Variants in SPIDR observed in about 807,000 individuals in gnomAD.
SPIDR encodes DNA repair-scaffolding protein.
SPIDR carries 93 observed loss-of-function variants against 104.6 expected under a neutral mutation model. The ratio of observed to expected loss-of-function variants is 0.89; its 90% CI spans 0.75 to 1.06. SPIDR has a LOEUF of 1.06. Among genes scored for constraint, SPIDR ranks in the 50% least tolerant of loss-of-function variants. SPIDR has a pLI of 0.00. For missense variants in SPIDR, 1,154 were observed against 1,111.2 expected, an observed-to-expected ratio of 1.04 and a Z score of -0.55; for synonymous variants, 431 against 416.9, an observed-to-expected ratio of 1.03 and a Z score of -0.41.
rs567320965 is a variant in SPIDR, at chr8:47,658,896, A to G, written c.1545-14905A>G. On this transcript the variant is annotated intron_variant, in intron 10 of 19. Coordinates refer to ENST00000297423, the MANE Select transcript of SPIDR (RefSeq NM_001080394.4). ...GATTGCAGTGAGCCAAGATAGCGCA[A>G]TTGCATTCCAGCCTGATCAACAAGA... 1.1e-3 allele frequency among the ~76,000 whole-genome samples: 168 copies of G among 149,530 alleles called. 1 individual carries two copies. Among genetic ancestry groups the G allele is most frequent in the South Asian group, 9.0e-3 (41 of 4,566 alleles).
In SPIDR at chr8:47,270,829, T is replaced by C. The variant is rs1437448949; in HGVS notation, c.34-9033T>C. ...TTCTTTTTTTGATCTATTGGCTGTT[T>C]AGGAGTGTGTTTAATTTTTGCATAC... On this transcript the variant is annotated intron_variant, in intron 1 of 19. Coordinates refer to ENST00000297423, the MANE Select transcript of SPIDR (RefSeq NM_001080394.4). 2.6e-5 allele frequency among the ~76,000 whole-genome samples: 4 copies of C among 152,176 alleles called. No homozygotes were observed. The East Asian group carries it at 7.7e-4, about 29-fold the overall frequency.
At position 47,729,401 on chromosome 8, in the gene SPIDR, TGCTGTTGCA is replaced by T; in HGVS notation, c.2552_2560del. 4 of 1,586,646 alleles carry T rather than the reference TGCTGTTGCA, an allele frequency of 2.5e-6. No homozygotes were observed. The South Asian group carries it at 3.5e-5, about 14-fold the overall frequency. On this transcript the variant is annotated splice_acceptor_variant and splice_polypyrimidine_tract_variant and intron_variant, in intron 18 of 19. Coordinates refer to ENST00000297423, the MANE Select transcript of SPIDR (RefSeq NM_001080394.4). LOFTEE classifies it high-confidence loss of function. ...AGGGAGTTTAACCCAGCCCTGCTTC[TGCTGTTGCA>T]GCTGTTGCAGCGCAGCATTTCCTCC...
At position 47,340,555 on chromosome 8, in the gene SPIDR, T is replaced by C. The variant is rs140037099; in HGVS notation, c.525+46525T>C. Among the ~76,000 whole-genome samples the C allele has an allele frequency of 3.1e-3, 468 of 152,260 alleles. 4 individuals are homozygous for C. The highest frequency in any genetic ancestry group is 0.01 in the African/African-American group (434 of 41,542). On this transcript the variant is annotated intron_variant, in intron 5 of 19. Coordinates refer to ENST00000297423, the MANE Select transcript of SPIDR (RefSeq NM_001080394.4). Reference sequence around the variant, plus strand: ...AGGCGAAGGTTGCAGTGAGCCGACATTGCGCCACTGCACTCCAGTCTGGGT... The same window carrying C: ...AGGCGAAGGTTGCAGTGAGCCGACACTGCGCCACTGCACTCCAGTCTGGGT...
chr8:47,640,841 C>T (rs1417518039), intron 10 of SPIDR, among the ~76,000 whole-genome samples: 3 of 41,304 alleles, frequency 7.3e-5, no homozygotes, highest in African/African-American at 2.2e-4. Context: ...CCACACCCAG[C>T]TTTTTTTTTT....
At chr8:47,598,377 G>T (rs2061864697) in intron 9 of SPIDR, among the ~76,000 whole-genome samples, 2 of 152,046 alleles carry the variant, frequency 1.3e-5, no homozygotes, top group South Asian at 4.1e-4. Context: ...ATTGTGTGAG[G>T]GTAAGCATGT....
intron 8 of SPIDR, among the ~76,000 whole-genome samples, chr8:47,474,976 CAA>C (rs1384083612): frequency 3.3e-5 from 5 of 152,188 alleles, no homozygotes; most frequent in African/African-American, 1.2e-4. Flanking sequence ...TTCAAAAACA[CAA>C]AGTTATGGAA....
chr8:47,338,424 A>G (rs1252120839), intron 5 of SPIDR, among the ~76,000 whole-genome samples: 1 of 152,230 alleles, frequency 6.6e-6, no homozygotes, highest in Non-Finnish European at 1.5e-5. Context: ...CAGCATCATT[A>G]GTAATGATTG....
intron 5 of SPIDR, among the ~76,000 whole-genome samples, chr8:47,331,060 A>G (rs1232221794): frequency 6.6e-6 from 1 of 152,156 alleles, no homozygotes; most frequent in Non-Finnish European, 1.5e-5. Flanking sequence ...GTATGTCATG[A>G]TATCTCAGTG....
intron 5 of SPIDR, among the ~76,000 whole-genome samples, chr8:47,367,653 C>T (rs1263259719): frequency 6.6e-6 from 1 of 152,154 alleles, no homozygotes; most frequent in Non-Finnish European, 1.5e-5. Flanking sequence ...AGAAATTCTA[C>T]CACTTAGCCC....
chr8:47,482,740 G>A (rs1777600510), intron 8 of SPIDR, among the ~76,000 whole-genome samples: 2 of 152,174 alleles, frequency 1.3e-5, no homozygotes, highest in Admixed American at 6.5e-5. Context: ...TGAGGGAGGA[G>A]GGCGCAGCTC....
chr8:47,531,321 C>T (rs2085956053), intron 8 of SPIDR, among the ~76,000 whole-genome samples: 1 of 152,174 alleles, frequency 6.6e-6, no homozygotes, highest in Admixed American at 6.5e-5. Flanking sequence ...ACTGGCTGGC[C>T]TTCATGGGCA....
intron 10 of SPIDR, among the ~76,000 whole-genome samples, chr8:47,666,494 T>C (rs1456933272): frequency 6.6e-6 from 1 of 152,248 alleles, no homozygotes; most frequent in Non-Finnish European, 1.5e-5. Context: ...ATATCAAATA[T>C]GCTTATATAT....
intron 8 of SPIDR, among the ~76,000 whole-genome samples, chr8:47,487,878 C>T (rs1214252112): frequency 1.3e-5 from 2 of 151,968 alleles, no homozygotes; most frequent in African/African-American, 4.8e-5. Context: ...AAATTTATCG[C>T]ACTAAATGCC....
At chr8:47,450,501 T>C (rs781833493) in intron 8 of SPIDR, among the ~76,000 whole-genome samples, 6 of 152,152 alleles carry the variant, frequency 3.9e-5, no homozygotes, top group Non-Finnish European at 8.8e-5. Flanking sequence ...AGGGTGTTCA[T>C]AGAAATATGA....
chr8:47,426,013 G>A (rs2066348200), intron 7 of SPIDR, among the ~76,000 whole-genome samples: 1 of 151,972 alleles, frequency 6.6e-6, no homozygotes, highest in African/African-American at 2.4e-5. Flanking sequence ...GGGAGGCTGA[G>A]GCAGGCAGAT....
chr8:47,500,466 C>T (rs2154370859), intron 8 of SPIDR, among the ~76,000 whole-genome samples: 1 of 152,272 alleles, frequency 6.6e-6, no homozygotes, highest in South Asian at 2.1e-4. Context: ...TGTTCATATC[C>T]TTCACCCACT....
intron 3 of SPIDR, among the ~76,000 whole-genome samples, chr8:47,288,986 A>G (rs938840483): frequency 6.6e-6 from 1 of 152,162 alleles, no homozygotes; most frequent in Non-Finnish European, 1.5e-5. Flanking sequence ...CAGACCACAC[A>G]TATTCCTTGT....
chr8:47,655,334 G>C (rs1342977603), intron 10 of SPIDR, among the ~76,000 whole-genome samples: 1 of 152,198 alleles, frequency 6.6e-6, no homozygotes, highest in Non-Finnish European at 1.5e-5. Flanking sequence ...CTAGTCCACA[G>C]TCCCACCAAC....
intron 7 of SPIDR, among the ~76,000 whole-genome samples, chr8:47,435,326 C>CTGTGTGTG (rs4021912): frequency 2.0e-3 from 300 of 146,450 alleles, no homozygotes; most frequent in African/African-American, 7.3e-3. Flanking sequence ...TTGCTCAGAT[C>CTGTGTGTG]TGTGTGTGTG....
Sources: allele counts gnomAD v4.1 joint callset (sites outside exome capture counted in the v4.1 genomes callset), GRCh38; gene constraint gnomAD v4.1.1; transcripts MANE v1.5; gene names NCBI Gene and HGNC (gene_info 2026-07-23, HGNC 2026-07-21).